The following PCDHA7 variants were observed in gnomAD, a reference collection of about 807,000 sequenced individuals.
PCDHA7 encodes the protein protocadherin alpha-7.
PCDHA7 carries 37 observed loss-of-function variants against 57.2 expected under a neutral mutation model. The observed-to-expected ratio is 0.65, with a 90% CI of 0.50 to 0.85. The LOEUF (loss-of-function observed/expected upper bound fraction) is 0.85. Ranked by LOEUF, PCDHA7 falls within the 40% of genes least tolerant of loss-of-function variation. The pLI is 0.00. For missense variants in PCDHA7, 1,188 were observed against 1,241.8 expected (o/e 0.96, Z 0.65); for synonymous variants, 553 against 558.8 (o/e 0.99, Z 0.15).
intron 3 of PCDHA7, among the ~76,000 whole-genome samples, chr5:141,003,222 G>A (rs1221950770): frequency 2.6e-5 from 4 of 152,224 alleles, no homozygotes; most frequent in Non-Finnish European, 4.4e-5. Flanking sequence ...CATGAAAGAG[G>A]AAAGCTGGAA....
chr5:141,005,339 T>C (rs920058303), intron 3 of PCDHA7, among the ~76,000 whole-genome samples: 5 of 151,926 alleles, frequency 3.3e-5, no homozygotes, highest in African/African-American at 9.7e-5. Context: ...GCCAAGGGGG[T>C]GCTGCTTGGC....
At chr5:140,878,550 A>T (rs1483801784) in intron 1 of PCDHA7, among the ~76,000 whole-genome samples, 1 of 152,212 alleles carries the variant, frequency 6.6e-6, no homozygotes, top group African/African-American at 2.4e-5. Flanking sequence ...GTTTCAGATG[A>T]TCCCAAACTT....
chr5:140,871,066 G>GA, intron 1 of PCDHA7: 1 of 1,613,276 alleles, frequency 6.2e-7, no homozygotes, highest in South Asian at 1.1e-5. Context: ...GGATCACGGT[G>GA]AGCCGGCGCT....
intron 1 of PCDHA7, chr5:140,928,238 A>T (rs147430561): frequency 1.9e-6 from 3 of 1,614,188 alleles, no homozygotes; most frequent in Non-Finnish European, 2.5e-6. Context: ...CCTCAACCCC[A>T]GCAGGAACTT....
chr5:141,000,412 TATATATATA>T (rs1297219533), intron 3 of PCDHA7, among the ~76,000 whole-genome samples: 3 of 102,772 alleles, frequency 2.9e-5, no homozygotes, highest in Admixed American at 1.2e-4. Flanking sequence ...TATATATATA[TATATATATA>T]TTTTTTTTTT....
chr5:140,874,093 TG>T, intron 1 of PCDHA7, among the ~76,000 whole-genome samples: 2 of 152,364 alleles, frequency 1.3e-5, no homozygotes, highest in Middle Eastern at 6.8e-3. Context: ...AATTCAAATA[TG>T]TTTTTAATTA....
chr5:140,937,371 T>C (rs2153632940), intron 1 of PCDHA7, among the ~76,000 whole-genome samples: 1 of 152,314 alleles, frequency 6.6e-6, no homozygotes, highest in Non-Finnish European at 1.5e-5. Context: ...TCTTAATGTT[T>C]ATGTGTGTGT....
chr5:140,867,064 T>C (rs890190808), intron 1 of PCDHA7: 7 of 152,176 alleles, frequency 4.6e-5, no homozygotes, highest in Admixed American at 1.3e-4. Flanking sequence ...CTACTTTATA[T>C]ATTCACAAAA....
rs142074942 is a variant in PCDHA7, at chr5:140,842,421, C to T, written c.2355+5683C>T. Reference sequence around the variant, plus strand: ...GTACGTGAAGACGCTCAATTTGGTACTGTCATCGCCCTAATTAGCGTGAAC... The same window carrying T: ...GTACGTGAAGACGCTCAATTTGGTATTGTCATCGCCCTAATTAGCGTGAAC... On this transcript the variant is annotated intron_variant, in intron 1 of 3. Coordinates refer to ENST00000525929, the MANE Select transcript of PCDHA7 (RefSeq NM_018910.3). The T allele has an allele frequency of 2.6e-4, 427 of 1,613,464 alleles. 6 individuals carry two copies. In the African/African-American group the frequency reaches 2.7e-3, roughly 10 times the overall value.
At chr5:140,926,925 G>A (rs1554203816) in intron 1 of PCDHA7, 1 of 1,574,118 alleles carries the variant, frequency 6.4e-7, no homozygotes, top group Admixed American at 1.8e-5. Flanking sequence ...TTTTATGTTT[G>A]TGGGTTTCCT....
intron 3 of PCDHA7, among the ~76,000 whole-genome samples, chr5:141,008,057 C>T (rs1472919496): frequency 3.9e-5 from 6 of 152,020 alleles, no homozygotes; most frequent in African/African-American, 1.2e-4. Context: ...GGGGTCCAGT[C>T]CATCTAAGAA....
At chr5:140,865,982 C>T (rs2049081742) in intron 1 of PCDHA7, 1 of 152,078 alleles carries the variant, frequency 6.6e-6, no homozygotes, top group South Asian at 2.1e-4. Flanking sequence ...ATTGAGATGG[C>T]ACTAAGTTTT....
chr5:140,959,753 T>C (rs1479386012), intron 1 of PCDHA7, among the ~76,000 whole-genome samples: 1 of 152,226 alleles, frequency 6.6e-6, no homozygotes. Context: ...TTAAAGTATA[T>C]TTTAATATTC....
chr5:140,905,617 G>T (rs1019062717), intron 1 of PCDHA7, among the ~76,000 whole-genome samples: 8 of 152,116 alleles, frequency 5.3e-5, no homozygotes, highest in Non-Finnish European at 1.5e-5. Context: ...TCTATAGATT[G>T]CTTTTGACAG....
rs2150258663 is a variant in PCDHA7 at position 140,836,358 on chromosome 5, C to G, written c.1975C>G (p.Leu659Val). Residue 659 changes from leucine to valine, a missense_variant, in exon 1 of 4, where the codon CTG becomes GTG. Around this residue, in one of 3 missense-constraint regions of PCDHA7, gnomAD observed 892 missense variants for 788.5 expected, o/e 1.13. Coordinates refer to ENST00000525929, the MANE Select transcript of PCDHA7 (RefSeq NM_018910.3). ...VLVKDHGEPS[L>V]TATATVLVSL... ...TGTGAAGGACCACGGGGAGCCCTCGCTGACAGCCACAGCCACCGTGCTGGT... is the reference window on the plus strand; with the variant it reads ...TGTGAAGGACCACGGGGAGCCCTCGGTGACAGCCACAGCCACCGTGCTGGT... The G allele has an allele frequency of 3.9e-5, 63 of 1,613,690 alleles. No individual in the cohort carries two copies. The highest frequency in any genetic ancestry group is 3.3e-4 in the Middle Eastern group (2 of 6,062).
At chr5:140,927,033 G>T in intron 1 of PCDHA7, 1 of 1,612,344 alleles carries the variant, frequency 6.2e-7, no homozygotes, top group Non-Finnish European at 8.5e-7. Context: ...GGCTGCCAGC[G>T]GCCGCTATGT....
chr5:140,866,363 C>T (rs550714417), intron 1 of PCDHA7: 20 of 152,216 alleles, frequency 1.3e-4, no homozygotes, highest in Non-Finnish European at 2.2e-4. Context: ...TACAATATTG[C>T]ATACTTCAAT....
At chr5:140,926,537 T>C (rs1584447910) in intron 1 of PCDHA7, 2 of 211,572 alleles carry the variant, frequency 9.5e-6, no homozygotes, top group African/African-American at 2.3e-5. Flanking sequence ...GCAGCCAGCG[T>C]GGTGGTCGAG....
At chr5:140,836,901 A>G (rs1554136348) in intron 1 of PCDHA7, 163 bp downstream of exon 1, 1 of 593,604 alleles carries the variant, frequency 1.7e-6, no homozygotes, top group Non-Finnish European at 2.8e-6. Flanking sequence ...AAGTACGTTT[A>G]ATATACACTT....
Sources: gnomAD v4.1 joint callset for allele counts (sites outside exome capture counted in the v4.1 genomes callset) on GRCh38, gnomAD v4.1.1 for gene constraint, gnomAD v4.1.1 regional missense constraint, MANE v1.5 for transcripts, NCBI Gene and HGNC (gene_info 2026-07-23, HGNC 2026-07-21) for gene names.